Variants in PITPNM2 observed in about 807,000 individuals in gnomAD.
PITPNM2 encodes membrane-associated phosphatidylinositol transfer protein 2.
In PITPNM2, 35 loss-of-function variants were observed where a neutral mutation model predicts 132.2. That is an observed-to-expected ratio of 0.26 (90% CI 0.20 to 0.35). The LOEUF is 0.35. PITPNM2 is among the 10% of genes least tolerant of loss of function. The pLI is 1.00. For synonymous variants in PITPNM2, 738 were observed against 799.2 expected (o/e 0.92, Z 1.29); for missense variants, 1,332 against 1,912.0 (o/e 0.70, Z 5.66).
intron 2 of PITPNM2, among the ~76,000 whole-genome samples, chr12:123,052,118 G>A (rs899336614): frequency 1.6e-5 from 2 of 127,484 alleles, no homozygotes; most frequent in East Asian, 2.3e-4. Flanking sequence ...GTAGAGACCC[G>A]GTTTCACCAT....
In PITPNM2 at chr12:122,986,306, G is replaced by A. The variant is rs757504342; in HGVS notation, c.3771C>T (p.Tyr1257=). ...GYAAHLAQLK[Y]SHRARPARNT... ...TGCGAGCGGGCCGCGCCCGGTGGCT[G>A]TACTTCAGCTGCGCCAGGTGGGCCG... Residue 1257 remains tyrosine (Y), a synonymous_variant, in exon 26 of 26, where the codon TAC becomes TAT. Coordinates refer to ENST00000320201, the MANE Select transcript of PITPNM2 (RefSeq NM_020845.3). 1.7e-5 allele frequency: 27 copies of A among 1,582,710 alleles called. No homozygotes were observed. The South Asian group carries it at 3.0e-4, about 17-fold the overall frequency.
chr12:123,063,197 C>T (rs774034313), intron 2 of PITPNM2, among the ~76,000 whole-genome samples: 12 of 152,196 alleles, frequency 7.9e-5, no homozygotes, highest in Non-Finnish European at 1.2e-4. Flanking sequence ...ATGAGGAACA[C>T]GGCAGGGCTT....
rs892213177 is a variant in PITPNM2, at chr12:123,058,970, A to G, written c.-95-24285T>C. On this transcript the variant is annotated intron_variant, in intron 2 of 25. Transcript: ENST00000320201. The surrounding 1 kb of genome is among the most constrained non-coding windows in gnomAD (Gnocchi z 4.0). Reference sequence around the variant, plus strand: ...CATTCCCATTGTCTGGGCCCAAACCATGAAGCTCAGGGCAGCACCCGCATC... The same window carrying G: ...CATTCCCATTGTCTGGGCCCAAACCGTGAAGCTCAGGGCAGCACCCGCATC... Among the ~76,000 whole-genome samples the G allele has an allele frequency of 6.6e-6, 1 of 152,034 alleles. No homozygotes were observed. Among genetic ancestry groups the G allele is most frequent in the Admixed American group, 6.6e-5 (1 of 15,264 alleles).
At chr12:122,996,234 G>T (rs1413850082) in intron 13 of PITPNM2, among the ~76,000 whole-genome samples, 1 of 152,234 alleles carries the variant, frequency 6.6e-6, no homozygotes, top group African/African-American at 2.4e-5. Context: ...TCCTGGAGGT[G>T]AGCTCTGGCA....
At chr12:123,119,559 C>T (rs2042994293) in intron 1 of PITPNM2, among the ~76,000 whole-genome samples, 1 of 151,884 alleles carries the variant, frequency 6.6e-6, no homozygotes, top group Non-Finnish European at 1.5e-5. Flanking sequence ...AGGGTTTCAC[C>T]GTGTTGGCCA....
At chr12:123,139,800 T>C (rs974815481) in intron 1 of PITPNM2, among the ~76,000 whole-genome samples, 5 of 152,190 alleles carry the variant, frequency 3.3e-5, no homozygotes, top group South Asian at 2.1e-4. Flanking sequence ...TGAGACCTCA[T>C]TGTTTGCTTT....
At chr12:123,021,640 G>A (rs1042048824) in intron 3 of PITPNM2, 1 of 981,818 alleles carries the variant, frequency 1.0e-6, no homozygotes, top group Non-Finnish European at 1.2e-6. Flanking sequence ...CCCTTGAACA[G>A]CAAGCTGCCC....
At chr12:123,127,257 C>T (rs1375789963) in intron 1 of PITPNM2, among the ~76,000 whole-genome samples, 1 of 152,196 alleles carries the variant, frequency 6.6e-6, no homozygotes, top group Non-Finnish European at 1.5e-5. Flanking sequence ...ACACCGCTGC[C>T]CTCCATTTCC....
Position 123,004,506 on chromosome 12 carries a change from CA to C in PITPNM2, c.953-18del. On this transcript the variant is annotated intron_variant, in intron 7 of 25. Coordinates refer to ENST00000320201, the MANE Select transcript of PITPNM2 (RefSeq NM_020845.3). The surrounding 1 kb of genome is among the most constrained non-coding windows in gnomAD (Gnocchi z 4.9). ...AAGGACTCGCTGGAAGGCAAAACCC[CA>C]GATTGACCGCCAACTGGAGAGGAAG... 6.2e-7 allele frequency: 1 copy of C among 1,612,824 alleles called. No individual in the cohort carries two copies.
intron 2 of PITPNM2, among the ~76,000 whole-genome samples, chr12:123,049,145 C>A (rs1268109753): frequency 1.3e-5 from 2 of 151,896 alleles, no homozygotes; most frequent in Non-Finnish European, 2.9e-5. Flanking sequence ...AAAACACACA[C>A]ACACACACAC....
At chr12:123,001,941 G>A (rs573206414) in intron 8 of PITPNM2, among the ~76,000 whole-genome samples, 26 of 151,882 alleles carry the variant, frequency 1.7e-4, no homozygotes, top group South Asian at 1.0e-3. Context: ...TGAGGCAGGC[G>A]AATTACTTGA....
chr12:122,996,614 C>T (rs1248006025), intron 12 of PITPNM2, 37 bp from the exon 13 acceptor site: 3 of 1,612,498 alleles, frequency 1.9e-6, no homozygotes, highest in Non-Finnish European at 2.5e-6. Flanking sequence ...AGCCATTCAC[C>T]CGCTCGCTGG....
At chr12:123,085,918 T>C (rs532983130) in intron 2 of PITPNM2, among the ~76,000 whole-genome samples, 1 of 152,216 alleles carries the variant, frequency 6.6e-6, no homozygotes, top group East Asian at 1.9e-4. Context: ...TAAGCCAGGA[T>C]GCCCTGTCTC....
Position 123,031,883 on chromosome 12 carries a change from G to C in PITPNM2, c.78+2630C>G, listed in dbSNP as rs1427726261. 6.6e-6 allele frequency among the ~76,000 whole-genome samples: 1 copy of C among 152,242 alleles called. No individual in the cohort carries two copies. The highest frequency in any genetic ancestry group is 1.5e-5 in the Non-Finnish European group (1 of 68,044). On this transcript the variant is annotated intron_variant, in intron 3 of 25. Transcript: ENST00000320201. This position sits in a 1 kb window ranked among gnomAD's most constrained non-coding sequence, Gnocchi z 4.5. ...AAGGCTCTGGAAGCTCAGAGGAGCAGCAATGACTCCAGCTAGCCCTTAGAG... is the reference window on the plus strand; with the variant it reads ...AAGGCTCTGGAAGCTCAGAGGAGCACCAATGACTCCAGCTAGCCCTTAGAG...
intron 2 of PITPNM2, among the ~76,000 whole-genome samples, chr12:123,045,432 T>A (rs2040621478): frequency 6.6e-6 from 1 of 152,126 alleles, no homozygotes; most frequent in Non-Finnish European, 1.5e-5. Flanking sequence ...GGCAGACAAT[T>A]CTCATCAAAT....
At chr12:122,995,047 G>A in intron 14 of PITPNM2, 68 bp from the exon 15 acceptor site, 1 of 1,462,536 alleles carries the variant, frequency 6.8e-7, no homozygotes, top group South Asian at 1.3e-5. Flanking sequence ...GACACTGCTG[G>A]TGGCAGCAGG....
chr12:122,995,107 AC>A, intron 14 of PITPNM2, 128 bp from the exon 15 acceptor site: 1 of 1,106,538 alleles, frequency 9.0e-7, no homozygotes, highest in Non-Finnish European at 1.2e-6. Flanking sequence ...CCTGAGCTGG[AC>A]CACCTGCCCC....
intron 2 of PITPNM2, among the ~76,000 whole-genome samples, chr12:123,102,662 G>A (rs976202561): frequency 1.3e-5 from 2 of 152,104 alleles, no homozygotes; most frequent in Non-Finnish European, 2.9e-5. Flanking sequence ...GTCTCATTCT[G>A]AATCCCACTA....
At chr12:123,107,996 G>A (rs1394864020) in intron 2 of PITPNM2, among the ~76,000 whole-genome samples, 3 of 152,244 alleles carry the variant, frequency 2.0e-5, no homozygotes, top group Non-Finnish European at 4.4e-5. Context: ...AAGAAATTTA[G>A]AGGAAAGGAG....
Sources: allele counts gnomAD v4.1 joint callset (sites outside exome capture counted in the v4.1 genomes callset), GRCh38; gene constraint gnomAD v4.1.1; non-coding constraint Gnocchi (gnomAD v3.1); transcripts MANE v1.5; gene names NCBI Gene and HGNC (gene_info 2026-07-23, HGNC 2026-07-21).